Variants in SLAIN1 observed in about 807,000 individuals in gnomAD.
The protein encoded by SLAIN1 is SLAIN family member 1, also known as SLAIN motif-containing protein 1.
A neutral mutation model predicts 55.4 loss-of-function variants in SLAIN1; 17 were observed. The ratio of observed to expected loss-of-function variants is 0.31; its 90% CI spans 0.21 to 0.46. The LOEUF is 0.46. Among genes scored for constraint, SLAIN1 ranks in the 20% least tolerant of loss-of-function variants. SLAIN1 has a pLI of 1.00. For missense variants in SLAIN1, 682 were observed against 785.1 expected, an observed-to-expected ratio of 0.87 and a Z score of 1.57; for synonymous variants, 348 against 337.4, an observed-to-expected ratio of 1.03 and a Z score of -0.35.
rs1875211193 is a variant in SLAIN1, at chr13:77,763,362, C to G, written c.*142C>G. 1 of 637,428 alleles carries G rather than the reference C, an allele frequency of 1.6e-6. No homozygotes were observed. The highest frequency in any genetic ancestry group is 3.0e-5 in the Admixed American group (1 of 33,684). 39.5% of individuals were successfully genotyped at this position (637,428 alleles called of 1,614,324 possible). ...TTTACTGCATTGTTTCTCAATGGAC[C>G]AGTCACCAGAGACTAATTATTGCAC... On this transcript the variant is annotated 3_prime_UTR_variant, in exon 7 of 7. Coordinates refer to ENST00000418532, the MANE Select transcript of SLAIN1 (RefSeq NM_001242868.2).
At chr13:77,713,611 G>C (rs1379644288) in intron 1 of SLAIN1, among the ~76,000 whole-genome samples, 2 of 152,178 alleles carry the variant, frequency 1.3e-5, no homozygotes, top group African/African-American at 4.8e-5. Flanking sequence ...AAGACAGTGT[G>C]GCGATTCCTC....
At chr13:77,750,543 C>T (rs74675034) in intron 4 of SLAIN1, among the ~76,000 whole-genome samples, 1,825 of 152,214 alleles carry the variant, frequency 0.012, 34 homozygotes, top group East Asian at 0.018. Context: ...CTTCTTACTA[C>T]ACACTGTCTG....
intron 6 of SLAIN1, among the ~76,000 whole-genome samples, 164 bp from the exon 7 acceptor site, chr13:77,762,981 A>G (rs1875161648): frequency 6.6e-6 from 1 of 152,230 alleles, no homozygotes; most frequent in Non-Finnish European, 1.5e-5. Flanking sequence ...ATAAGCATGC[A>G]GTGAAGACCC....
At chr13:77,727,412 G>A (rs1463180268) in intron 2 of SLAIN1, among the ~76,000 whole-genome samples, 1 of 144,444 alleles carries the variant, frequency 6.9e-6, no homozygotes, top group Non-Finnish European at 1.5e-5. Flanking sequence ...ACTAATTTGA[G>A]TATGTTTAAA....
At chr13:77,715,059 G>A (rs142518197) in intron 1 of SLAIN1, among the ~76,000 whole-genome samples, 32 of 152,120 alleles carry the variant, frequency 2.1e-4, no homozygotes, top group Non-Finnish European at 3.4e-4. Flanking sequence ...GTAGAGACAG[G>A]GTTTCACCAT....
chr13:77,699,062 G>C, intron 1 of SLAIN1: 2 of 1,530,420 alleles, frequency 1.3e-6, no homozygotes, highest in Non-Finnish European at 1.8e-6. Flanking sequence ...AGAGAGGTTC[G>C]TTCTTGCTGT....
chr13:77,698,425 C>T lies in SLAIN1; in HGVS notation c.512C>T (p.Thr171Met). ...GGGCCGGAGCCGGGGGGCGCGGGGA[C>T]GCCGCCAGGGGCAGCTGCAGCGCCG... ...GGGPEPGGAG[T>M]PPGAAAAPPS... The change falls in exon 1 of 7, where the codon ACG becomes ATG. Residue 171 changes from threonine (T) to methionine (M), a missense_variant. Thr to Met is a moderately conservative substitution (Grantham distance 81, BLOSUM62 -1). Around this residue, in one of 3 missense-constraint regions of SLAIN1, gnomAD observed 401 missense variants for 417.3 expected, o/e 0.96. Coordinates refer to ENST00000418532, the MANE Select transcript of SLAIN1 (RefSeq NM_001242868.2). This position sits in a 1 kb window ranked among gnomAD's most constrained non-coding sequence, Gnocchi z 4.1. 1 of 1,395,166 alleles carries T rather than the reference C, an allele frequency of 7.2e-7. No individual in the cohort carries two copies. Among genetic ancestry groups the T allele is most frequent in the Non-Finnish European group, 9.3e-7 (1 of 1,080,302 alleles). The allele number at this position is 1,395,166 out of a possible 1,614,324, so 86.4% of individuals were successfully genotyped here.
At chr13:77,712,019 C>G (rs1383979522) in intron 1 of SLAIN1, among the ~76,000 whole-genome samples, 4 of 152,150 alleles carry the variant, frequency 2.6e-5, no homozygotes, top group African/African-American at 9.7e-5. Context: ...ATTTATCACC[C>G]TTTCATGCTT....
intron 1 of SLAIN1, among the ~76,000 whole-genome samples, chr13:77,718,850 C>CT (rs1289660294): frequency 6.6e-6 from 1 of 152,028 alleles, no homozygotes; most frequent in African/African-American, 2.4e-5. Flanking sequence ...ATGAGAGAAG[C>CT]TTTTTTATAA....
intron 2 of SLAIN1, among the ~76,000 whole-genome samples, chr13:77,738,049 G>T (rs553604908): frequency 1.3e-5 from 2 of 152,132 alleles, no homozygotes; most frequent in Middle Eastern, 3.4e-3. Context: ...CACATGCTGT[G>T]TGTATCTGTG....
chr13:77,759,926 C>T (rs187854388), intron 5 of SLAIN1, among the ~76,000 whole-genome samples: 2 of 152,170 alleles, frequency 1.3e-5, no homozygotes, highest in Non-Finnish European at 2.9e-5. Flanking sequence ...GAAATATTTT[C>T]AAGAGATGAT....
At chr13:77,723,135 T>G (rs2091277519) in intron 2 of SLAIN1, among the ~76,000 whole-genome samples, 1 of 152,210 alleles carries the variant, frequency 6.6e-6, no homozygotes, top group African/African-American at 2.4e-5. Flanking sequence ...GACAGGGTCC[T>G]TGTCATTAAT....
chr13:77,747,803 C>T (rs1479820574), intron 4 of SLAIN1, among the ~76,000 whole-genome samples: 1 of 152,142 alleles, frequency 6.6e-6, no homozygotes, highest in Non-Finnish European at 1.5e-5. Context: ...CTGTCTGTGT[C>T]ATTCGTTTAT....
chr13:77,751,109 A>G (rs1304045031), intron 4 of SLAIN1, among the ~76,000 whole-genome samples: 2 of 152,164 alleles, frequency 1.3e-5, no homozygotes. Flanking sequence ...GCATTCAAGT[A>G]TATCATTATT....
chr13:77,717,753 G>A (rs576853600), intron 1 of SLAIN1, among the ~76,000 whole-genome samples: 19 of 152,246 alleles, frequency 1.2e-4, no homozygotes, highest in African/African-American at 3.6e-4. Context: ...TCTCCAGACC[G>A]GTAATATTAG....
chr13:77,747,110 AT>A (rs1873889029), intron 4 of SLAIN1, among the ~76,000 whole-genome samples: 1 of 151,366 alleles, frequency 6.6e-6, no homozygotes, highest in African/African-American at 2.4e-5. Context: ...TTTATTTTTT[AT>A]TTTTTATTTT....
rs1279670 is a variant in SLAIN1 at position 77,709,960 on chromosome 13, C to T, written c.627-9572C>T. On this transcript the variant is annotated intron_variant, in intron 1 of 6. Transcript: ENST00000418532. Reference sequence around the variant, plus strand: ...TAATTTTTTGTATTTTTAGTAGAGGCGGGGTTTTGCCACATTGGTCAGGCT... The same window carrying T: ...TAATTTTTTGTATTTTTAGTAGAGGTGGGGTTTTGCCACATTGGTCAGGCT... 8.7e-3 allele frequency among the ~76,000 whole-genome samples: 1,321 copies of T among 152,054 alleles called. 20 individuals carry two copies. The highest frequency in any genetic ancestry group is 0.03 in the African/African-American group (1,237 of 41,468).
At chr13:77,763,038 T>C in intron 6 of SLAIN1, 107 bp from the exon 7 acceptor site, 1 of 887,874 alleles carries the variant, frequency 1.1e-6, no homozygotes, top group Non-Finnish European at 1.8e-6. Flanking sequence ...CAGTGGCTTC[T>C]CATTACTGCA....
chr13:77,744,747 C>T (rs1873701978), intron 3 of SLAIN1, among the ~76,000 whole-genome samples: 1 of 152,014 alleles, frequency 6.6e-6, no homozygotes, highest in South Asian at 2.1e-4. Flanking sequence ...ATATTTATCC[C>T]AGAATAGTGG....
Sources: gnomAD v4.1 joint callset for allele counts (sites outside exome capture counted in the v4.1 genomes callset) on GRCh38, gnomAD v4.1.1 for gene constraint, gnomAD v4.1.1 regional missense constraint, Gnocchi (gnomAD v3.1) non-coding constraint, MANE v1.5 for transcripts, NCBI Gene and HGNC (gene_info 2026-07-23, HGNC 2026-07-21) for gene names.